Variants in IST1 observed in about 807,000 individuals in gnomAD.
IST1 encodes IST1 factor associated with ESCRT-III.
In IST1, 23 loss-of-function variants were observed where a neutral mutation model predicts 37.0. That is an observed-to-expected ratio of 0.62 (90% CI 0.45 to 0.88). IST1 has a LOEUF of 0.88. Among genes scored for constraint, IST1 ranks in the 40% least tolerant of loss-of-function variants. IST1 has a pLI of 0.00. For synonymous variants in IST1, 180 were observed against 161.7 expected (o/e 1.11, Z -0.86); for missense variants, 488 against 445.4 (o/e 1.10, Z -0.86).
chr16:71,898,405 G>A (rs995678844), intron 1 of IST1, among the ~76,000 whole-genome samples: 22 of 145,668 alleles, frequency 1.5e-4, no homozygotes, highest in Admixed American at 1.5e-3. Context: ...CTCTTGGTGC[G>A]GGGCACTGTG....
At chr16:71,904,310 A>T (rs1363287002) in intron 1 of IST1, among the ~76,000 whole-genome samples, 1 of 152,040 alleles carries the variant, frequency 6.6e-6, no homozygotes, top group Non-Finnish European at 1.5e-5. Flanking sequence ...TTTAGTAGAG[A>T]TGGGGTTTCG....
At chr16:71,897,321 A>G (rs2036996573) in intron 1 of IST1, among the ~76,000 whole-genome samples, 1 of 152,096 alleles carries the variant, frequency 6.6e-6, no homozygotes, top group South Asian at 2.1e-4. Context: ...GTTACGTTTT[A>G]AAGTCATCCA....
chr16:71,914,894 G>A (rs1482501555), intron 1 of IST1, among the ~76,000 whole-genome samples: 6 of 152,198 alleles, frequency 3.9e-5, no homozygotes, highest in African/African-American at 1.4e-4. Context: ...AGTGGTCAGT[G>A]CACAATGGTA....
rs1404718988 is a variant in IST1, at chr16:71,930,681, A to G, written c.*2868A>G. The G allele has an allele frequency of 6.6e-6, 1 of 152,254 alleles. No individual in the cohort carries two copies. The highest frequency in any genetic ancestry group is 1.5e-5 in the Non-Finnish European group (1 of 68,062). The allele number at this position is 152,254 out of a possible 1,614,324, so 9.4% of individuals were successfully genotyped here. A position where few individuals can be genotyped will look rare whatever the true frequency, so the allele number is the denominator to read the frequency against. Reference sequence around the variant, plus strand: ...TTTTTTTTTCCATTGTCATTTTTAAAGGTACAAGCATTGAGTTCTGCCATT... The same window carrying G: ...TTTTTTTTTCCATTGTCATTTTTAAGGGTACAAGCATTGAGTTCTGCCATT... On this transcript the variant is annotated 3_prime_UTR_variant, in exon 10 of 10. Transcript: ENST00000378799.
intron 1 of IST1, among the ~76,000 whole-genome samples, chr16:71,902,523 G>A (rs964797801): frequency 6.6e-6 from 1 of 152,174 alleles, no homozygotes; most frequent in East Asian, 1.9e-4. Context: ...GCCCGCCTCG[G>A]CTTCCCAAAG....
intron 1 of IST1, among the ~76,000 whole-genome samples, chr16:71,904,383 A>G (rs527965250): frequency 7.4e-4 from 112 of 152,258 alleles, no homozygotes; most frequent in South Asian, 1.0e-3. Flanking sequence ...CGGCCTGCCA[A>G]AGTTTTGGGA....
intron 4 of IST1, among the ~76,000 whole-genome samples, chr16:71,918,341 A>AT (rs1212935951): frequency 6.6e-6 from 1 of 151,826 alleles, no homozygotes; most frequent in Non-Finnish European, 1.5e-5. Context: ...CAATAGTCCA[A>AT]TAGGGTACCA....
At position 71,906,411 on chromosome 16, in the gene IST1, G is replaced by C. The variant is rs186410540; in HGVS notation, c.-15-9215G>C. Among the ~76,000 whole-genome samples the C allele has an allele frequency of 5.3e-5, 8 of 151,644 alleles. No homozygotes were observed. In the East Asian group the frequency reaches 1.6e-3, roughly 29 times the overall value. On this transcript the variant is annotated intron_variant, in intron 1 of 9. Transcript: ENST00000378799. The stretch of plus-strand genomic sequence containing the variant: ...CAGCCTCTACCTACTGTGTTCAAGC[G>C]GTTCTCCTGCCTCAGCTTCCTGAGT...
At position 71,915,681 on chromosome 16, in the gene IST1, A is replaced by G. The variant is rs1371565207; in HGVS notation, c.41A>G (p.Asn14Ser). 2 of 1,613,594 alleles carry G rather than the reference A, an allele frequency of 1.2e-6. No individual in the cohort carries two copies. Among genetic ancestry groups the G allele is most frequent in the Admixed American group, 1.7e-5 (1 of 59,966 alleles). The change falls in exon 2 of 10, where the codon AAT (asparagine) becomes AGT (serine). Residue 14 changes from asparagine (N) to serine (S), a missense_variant. Physicochemically the swap from Asn to Ser is conservative, Grantham distance 46 (BLOSUM62 1). Transcript: ENST00000378799. Reference protein sequence around the residue: ...SGFKAERLRVNLRLVINRLKL... With the variant: ...SGFKAERLRVSLRLVINRLKL... ...TTTAAAGCTGAGCGCTTAAGAGTGA[A>G]TTTGAGATTAGTCATAAATCGCCTT...
At chr16:71,898,454 T>C (rs1188073862) in intron 1 of IST1, among the ~76,000 whole-genome samples, 3 of 136,584 alleles carry the variant, frequency 2.2e-5, no homozygotes, top group African/African-American at 8.3e-5. Context: ...GAGGCTGAGG[T>C]GAACGGATCA....
In IST1 at chr16:71,927,706, C is replaced by T; in HGVS notation, c.994C>T (p.Pro332Ser). 6.2e-7 allele frequency: 1 copy of T among 1,613,422 alleles called. No homozygotes were observed. The highest frequency in any genetic ancestry group is 1.1e-5 in the South Asian group (1 of 91,074). ...NFVLPELPSVPDTLPTASAGA... is the reference protein window; with the variant it reads ...NFVLPELPSVSDTLPTASAGA... ...TGTCCTACCAGAGTTGCCATCTGTGCCAGACACACTACCAACTGCATCTGC... is the reference window on the plus strand; with the variant it reads ...TGTCCTACCAGAGTTGCCATCTGTGTCAGACACACTACCAACTGCATCTGC... Residue 332 changes from proline (P) to serine (S), a missense_variant, in exon 10 of 10, where the codon CCA becomes TCA. This residue lies in a region of IST1 where 455 missense variants were observed against 386.2 expected (regional missense o/e 1.18). Transcript: ENST00000378799.
chr16:71,903,888 A>G (rs984766794), intron 1 of IST1, among the ~76,000 whole-genome samples: 2 of 152,120 alleles, frequency 1.3e-5, no homozygotes, highest in South Asian at 2.1e-4. Context: ...GGTGGGAGGT[A>G]TGTTGAAGCC....
intron 1 of IST1, among the ~76,000 whole-genome samples, chr16:71,901,972 T>G (rs1385748698): frequency 6.6e-6 from 1 of 152,188 alleles, no homozygotes; most frequent in Non-Finnish European, 1.5e-5. Flanking sequence ...TTAAACATCT[T>G]ATTTTAACAT....
chr16:71,929,933 A>C lies in IST1; in HGVS notation c.*2120A>C. ...GATAGCTGGCAGAGCTTTTGAAACT[A>C]ATAAAGGGAATATGATACTGTGCAT... On this transcript the variant is annotated 3_prime_UTR_variant, in exon 10 of 10. Transcript: ENST00000378799. The C allele has an allele frequency of 8.0e-7, 1 of 1,247,138 alleles. No homozygotes were observed. The highest frequency in any genetic ancestry group is 1.7e-5 in the South Asian group (1 of 60,296). 77.3% of individuals were successfully genotyped at this position (1,247,138 alleles called of 1,614,324 possible).
chr16:71,907,479 G>C (rs1030510559), intron 1 of IST1, among the ~76,000 whole-genome samples: 1 of 151,938 alleles, frequency 6.6e-6, no homozygotes, highest in Non-Finnish European at 1.5e-5. Context: ...GGGTTTCACT[G>C]TGTTGGCCAG....
At chr16:71,894,854 CA>C (rs1225071142), upstream of IST1, 1 of 1,532,338 alleles carries the variant, frequency 6.5e-7, no homozygotes, top group Non-Finnish European at 8.7e-7. Context: ...AAGTTAAAAA[CA>C]AAGGTAACCA....
At chr16:71,923,663 A>G (rs1024029854) in intron 8 of IST1, among the ~76,000 whole-genome samples, 18 of 152,318 alleles carry the variant, frequency 1.2e-4, no homozygotes, top group Middle Eastern at 3.4e-3. Flanking sequence ...GCACTTAGCC[A>G]GTTGTTTTGA....
chr16:71,923,527 C>G, intron 8 of IST1, 147 bp downstream of exon 8: 2 of 503,256 alleles, frequency 4.0e-6, no homozygotes, highest in Non-Finnish European at 7.1e-6. Flanking sequence ...TGCTTTATAA[C>G]ACTACCCTGG....
intron 1 of IST1, among the ~76,000 whole-genome samples, chr16:71,901,102 T>C (rs1379478451): frequency 6.6e-6 from 1 of 152,202 alleles, no homozygotes; most frequent in Non-Finnish European, 1.5e-5. Context: ...AACTTTTAGG[T>C]TATTATTTCC....
Sources: gnomAD v4.1 joint callset for allele counts (sites outside exome capture counted in the v4.1 genomes callset) on GRCh38, gnomAD v4.1.1 for gene constraint, gnomAD v4.1.1 regional missense constraint, MANE v1.5 for transcripts, NCBI Gene and HGNC (gene_info 2026-07-23, HGNC 2026-07-21) for gene names.